The following MITF variants were observed in gnomAD, a reference collection of about 807,000 sequenced individuals.
The protein encoded by MITF is melanocyte inducing transcription factor.
Under a neutral mutation model 60.5 loss-of-function variants are expected in MITF, and 17 were observed. The ratio of observed to expected loss-of-function variants is 0.28; its 90% CI spans 0.19 to 0.42. The LOEUF (loss-of-function observed/expected upper bound fraction) is 0.42. MITF is among the 10% of genes least tolerant of loss of function. The pLI is 1.00. For missense variants in MITF, 622 were observed against 683.5 expected (o/e 0.91, Z 1.00); for synonymous variants, 260 against 248.5 (o/e 1.05, Z -0.43).
chr3:69,744,823 A>C (rs1703661405), intron 1 of MITF, among the ~76,000 whole-genome samples: 1 of 152,176 alleles, frequency 6.6e-6, no homozygotes, highest in South Asian at 2.1e-4. Context: ...CTTTCATTTA[A>C]TCATAACAAT....
At chr3:69,756,178 C>G (rs538165707) in intron 1 of MITF, among the ~76,000 whole-genome samples, 3 of 151,832 alleles carry the variant, frequency 2.0e-5, no homozygotes, top group Non-Finnish European at 2.9e-5. Context: ...AGGTTTGTTA[C>G]ATAAGTATAC....
Position 69,879,329 on chromosome 3 carries a change from C to T in MITF, c.300C>T (p.Val100=), listed in dbSNP as rs2107278201. Residue 100 remains valine (V), a synonymous_variant, in exon 2 of 10, where the codon GTC becomes GTT. Coordinates refer to ENST00000352241, the MANE Select transcript of MITF (RefSeq NM_001354604.2). ...VPVSQTPAIN[V]SVPTTLPSAT... ...TGAGTCAGACACCAGCCATAAACGT[C>T]AGTGTGCCCACCACCCTTCCCTCTG... 5.0e-6 allele frequency: 8 copies of T among 1,614,238 alleles called. No individual in the cohort carries two copies. Among genetic ancestry groups the T allele is most frequent in the Non-Finnish European group, 5.9e-6 (7 of 1,180,054 alleles).
At chr3:69,867,568 A>T (rs114737112) in intron 1 of MITF, among the ~76,000 whole-genome samples, 1 of 152,258 alleles carries the variant, frequency 6.6e-6, no homozygotes, top group Admixed American at 6.5e-5. Context: ...TAAACAAAGT[A>T]TATATAATTA....
chr3:69,894,007 G>C (rs939840817), intron 2 of MITF, among the ~76,000 whole-genome samples: 1 of 152,162 alleles, frequency 6.6e-6, no homozygotes, highest in Non-Finnish European at 1.5e-5. Context: ...AAAATTAATA[G>C]ACATCAGGCT....
At chr3:69,796,220 A>T (rs1214542359) in intron 1 of MITF, among the ~76,000 whole-genome samples, 1 of 152,146 alleles carries the variant, frequency 6.6e-6, no homozygotes, top group Non-Finnish European at 1.5e-5. Context: ...ACCTCAGGTG[A>T]TCTGCCTGCC....
At chr3:69,760,547 A>G (rs888236749) in intron 1 of MITF, among the ~76,000 whole-genome samples, 3 of 152,192 alleles carry the variant, frequency 2.0e-5, no homozygotes, top group African/African-American at 7.2e-5. Context: ...GGTACAGGTT[A>G]CTCAGAAATC....
At chr3:69,840,217 G>A (rs868112073) in intron 1 of MITF, among the ~76,000 whole-genome samples, 1 of 152,166 alleles carries the variant, frequency 6.6e-6, no homozygotes, top group South Asian at 2.1e-4. Flanking sequence ...TTCTTTGGTA[G>A]AAATGTGATG....
At chr3:69,740,991 C>T (rs925798582) in intron 1 of MITF, among the ~76,000 whole-genome samples, 8 of 152,214 alleles carry the variant, frequency 5.3e-5, no homozygotes, top group Admixed American at 2.6e-4. Flanking sequence ...AGGGCTGTGG[C>T]AGGACTCTTT....
chr3:69,896,879 T>A (rs187354235), intron 2 of MITF, among the ~76,000 whole-genome samples: 58 of 152,316 alleles, frequency 3.8e-4, no homozygotes, highest in Middle Eastern at 3.4e-3. Flanking sequence ...ACATTGCAGT[T>A]CAGCCTCAGA....
intron 1 of MITF, among the ~76,000 whole-genome samples, chr3:69,834,846 CT>C (rs71126468): frequency 1.6e-3 from 210 of 129,614 alleles, no homozygotes; most frequent in East Asian, 0.011. Flanking sequence ...GTTTTCTTTT[CT>C]TTTTTTTTTT....
At chr3:69,845,409 G>C (rs958246756) in intron 1 of MITF, among the ~76,000 whole-genome samples, 2 of 133,318 alleles carry the variant, frequency 1.5e-5, no homozygotes, top group South Asian at 2.3e-4. Context: ...GCAATTCTTT[G>C]TTTTCTTTTC....
intron 1 of MITF, among the ~76,000 whole-genome samples, chr3:69,855,860 T>A (rs2063909836): frequency 1.3e-5 from 2 of 152,148 alleles, no homozygotes; most frequent in South Asian, 4.2e-4. Flanking sequence ...ACAGCCTTGA[T>A]TTTTTTTGTT....
chr3:69,882,511 A>AT (rs34741828), intron 2 of MITF, among the ~76,000 whole-genome samples: 23 of 152,174 alleles, frequency 1.5e-4, no homozygotes, highest in African/African-American at 5.1e-4. Flanking sequence ...TGCATAATGC[A>AT]TTTTTTTGTA....
At chr3:69,798,410 A>G (rs1039615420) in intron 1 of MITF, among the ~76,000 whole-genome samples, 2 of 152,210 alleles carry the variant, frequency 1.3e-5, no homozygotes, top group Non-Finnish European at 2.9e-5. Context: ...GGTTCATACT[A>G]TTTATCATTC....
At chr3:69,878,620 T>A (rs1031825568) in intron 1 of MITF, among the ~76,000 whole-genome samples, 7 of 152,204 alleles carry the variant, frequency 4.6e-5, no homozygotes, top group African/African-American at 1.7e-4. Context: ...TTATTTTATC[T>A]TAGAAAAATT....
chr3:69,835,882 T>G (rs2063532619), intron 1 of MITF, among the ~76,000 whole-genome samples: 1 of 152,192 alleles, frequency 6.6e-6, no homozygotes, highest in Middle Eastern at 3.2e-3. Flanking sequence ...ACTATAATTT[T>G]GTAGTATATT....
At chr3:69,942,064 G>C (rs980932421) in intron 5 of MITF, among the ~76,000 whole-genome samples, 1 of 152,068 alleles carries the variant, frequency 6.6e-6, no homozygotes, top group Non-Finnish European at 1.5e-5. Context: ...AGGCCTGCTT[G>C]GTAGGTCTTT....
chr3:69,866,389 A>G, intron 1 of MITF: 1 of 1,609,602 alleles, frequency 6.2e-7, no homozygotes, highest in East Asian at 2.2e-5. Flanking sequence ...GGACCACTTA[A>G]GAGGAGCAGT....
intron 1 of MITF, among the ~76,000 whole-genome samples, chr3:69,809,657 C>CTATT (rs1313589800): frequency 6.8e-6 from 1 of 146,776 alleles, no homozygotes; most frequent in Non-Finnish European, 1.5e-5. Flanking sequence ...AGAAGACTTG[C>CTATT]TATTGCGTAT....
Sources: allele counts gnomAD v4.1 joint callset (sites outside exome capture counted in the v4.1 genomes callset), GRCh38; gene constraint gnomAD v4.1.1; transcripts MANE v1.5; gene names NCBI Gene and HGNC (gene_info 2026-07-23, HGNC 2026-07-21).